SLX4IP: variants seen among roughly 807,000 people sequenced by gnomAD.
SLX4IP encodes protein SLX4IP.
SLX4IP carries 34 observed loss-of-function variants against 32.9 expected under a neutral mutation model. That is an observed-to-expected ratio of 1.03 (90% CI 0.79 to 1.38). SLX4IP has a LOEUF of 1.38. Among genes scored for constraint, SLX4IP ranks in the 40% most tolerant of loss-of-function variants. SLX4IP has a pLI of 0.00. For missense variants in SLX4IP, 444 were observed against 479.0 expected (o/e 0.93, Z 0.68); for synonymous variants, 172 against 171.7 (o/e 1.00, Z -0.01).
chr20:10,479,352 CTTTT>C (rs764474218), intron 2 of SLX4IP, among the ~76,000 whole-genome samples: 3 of 73,720 alleles, frequency 4.1e-5, no homozygotes, highest in East Asian at 7.7e-4. Context: ...TTCCATATTT[CTTTT>C]TTTTTTTTTT....
intron 2 of SLX4IP, among the ~76,000 whole-genome samples, chr20:10,476,596 T>A (rs1162300778): frequency 6.6e-6 from 1 of 152,216 alleles, no homozygotes; most frequent in African/African-American, 2.4e-5. Flanking sequence ...CTTCCCATAA[T>A]GACTGATTCT....
chr20:10,465,871 C>T lies in SLX4IP; in HGVS notation c.27+7640C>T, dbSNP rs187060744. On this transcript the variant is annotated intron_variant, in intron 2 of 7. Coordinates refer to ENST00000334534, the MANE Select transcript of SLX4IP (RefSeq NM_001009608.3). ...CTGCATTTCAAATGTTCAGTAGGCA[C>T]CACTGGCTAGTATCGGCTGTATTGG... 3.7e-3 allele frequency among the ~76,000 whole-genome samples: 560 copies of T among 152,314 alleles called. 7 individuals are homozygous for T. Among genetic ancestry groups the T allele is most frequent in the African/African-American group, 0.013 (520 of 41,554 alleles).
Position 10,472,769 on chromosome 20 carries a change from C to T in SLX4IP, c.27+14538C>T, listed in dbSNP as rs185605457. 4.6e-3 allele frequency among the ~76,000 whole-genome samples: 694 copies of T among 152,304 alleles called. 15 individuals carry two copies. In the South Asian group the frequency reaches 0.064, roughly 14 times the overall value. On this transcript the variant is annotated intron_variant, in intron 2 of 7. Transcript: ENST00000334534. ...AATTGTCCATCTTAGCACAGAGTCACGACCCAGAAGGTGTTAGCACCCATC... is the reference window on the plus strand; with the variant it reads ...AATTGTCCATCTTAGCACAGAGTCATGACCCAGAAGGTGTTAGCACCCATC...
At chr20:10,452,840 G>A (rs888249038) in intron 1 of SLX4IP, among the ~76,000 whole-genome samples, 1 of 151,220 alleles carries the variant, frequency 6.6e-6, no homozygotes, top group East Asian at 1.9e-4. Flanking sequence ...GACAAAGTGA[G>A]ACTCTGTCTC....
chr20:10,575,577 A>G (rs2066514993), intron 4 of SLX4IP, among the ~76,000 whole-genome samples: 1 of 144,142 alleles, frequency 6.9e-6, no homozygotes, highest in Non-Finnish European at 1.5e-5. Flanking sequence ...GCTGCTTCTC[A>G]TAGGAGTAAC....
chr20:10,457,563 T>C (rs1481673233), intron 1 of SLX4IP, among the ~76,000 whole-genome samples: 1 of 152,076 alleles, frequency 6.6e-6, no homozygotes. Flanking sequence ...ACATCCAACT[T>C]GATCGTGGTG....
At chr20:10,617,650 TTC>T (rs1164617249) in intron 6 of SLX4IP, among the ~76,000 whole-genome samples, 3 of 131,276 alleles carry the variant, frequency 2.3e-5, no homozygotes, top group African/African-American at 8.9e-5. Context: ...TTTTCTTTCT[TTC>T]TTTTTTTTTT....
intron 2 of SLX4IP, among the ~76,000 whole-genome samples, chr20:10,483,559 G>A (rs1437541847): frequency 6.6e-6 from 1 of 151,986 alleles, no homozygotes; most frequent in Non-Finnish European, 1.5e-5. Context: ...CATGAATGTT[G>A]CAAAAATGCA....
chr20:10,617,822 G>A (rs1236401139), intron 6 of SLX4IP, among the ~76,000 whole-genome samples: 1 of 151,686 alleles, frequency 6.6e-6, no homozygotes, highest in African/African-American at 2.4e-5. Flanking sequence ...CTAATTTTTT[G>A]TAGAGATGAG....
At chr20:10,570,117 A>G (rs1006575826) in intron 4 of SLX4IP, among the ~76,000 whole-genome samples, 1 of 152,222 alleles carries the variant, frequency 6.6e-6, no homozygotes, top group Non-Finnish European at 1.5e-5. Flanking sequence ...GTTCTGACCA[A>G]GGTCACCACT....
At position 10,464,160 on chromosome 20, in the gene SLX4IP, G is replaced by A. The variant is rs533350113; in HGVS notation, c.27+5929G>A. 2.0e-5 allele frequency among the ~76,000 whole-genome samples: 3 copies of A among 152,208 alleles called. 1 individual carries two copies. The South Asian group carries it at 6.2e-4, about 32-fold the overall frequency. ...GTTGGAGTGAGAGAGGGGGCTGGAT[G>A]AGGCAGAAGAGGCCATTTTGTTTTT... On this transcript the variant is annotated intron_variant, in intron 2 of 7. Transcript: ENST00000334534.
At chr20:10,539,311 T>A (rs2066078740) in intron 2 of SLX4IP, among the ~76,000 whole-genome samples, 1 of 152,204 alleles carries the variant, frequency 6.6e-6, no homozygotes, top group South Asian at 2.1e-4. Flanking sequence ...CAAATAGTTG[T>A]AGGATTGTCA....
At chr20:10,503,268 A>G (rs937072671) in intron 2 of SLX4IP, among the ~76,000 whole-genome samples, 3 of 152,200 alleles carry the variant, frequency 2.0e-5, no homozygotes, top group African/African-American at 7.2e-5. Flanking sequence ...AGAGGTCTAC[A>G]GGGTTAAACT....
intron 2 of SLX4IP, among the ~76,000 whole-genome samples, chr20:10,479,036 A>G (rs1444691579): frequency 6.6e-6 from 1 of 152,238 alleles, no homozygotes; most frequent in East Asian, 1.9e-4. Context: ...GAGCTTGCCA[A>G]TCCTCCCCCT....
intron 2 of SLX4IP, among the ~76,000 whole-genome samples, chr20:10,490,115 A>G (rs1260267589): frequency 6.6e-6 from 1 of 152,174 alleles, no homozygotes; most frequent in Non-Finnish European, 1.5e-5. Context: ...AAGGCCTTAA[A>G]AAAGAATCCC....
chr20:10,543,215 A>G (rs1282472964), intron 2 of SLX4IP, among the ~76,000 whole-genome samples: 1 of 152,246 alleles, frequency 6.6e-6, no homozygotes, highest in Non-Finnish European at 1.5e-5. Context: ...GATGTGTAAT[A>G]TGGGAGAAAC....
chr20:10,524,464 T>G (rs2065926139), intron 2 of SLX4IP, among the ~76,000 whole-genome samples: 2 of 152,144 alleles, frequency 1.3e-5, no homozygotes, highest in Admixed American at 1.3e-4. Context: ...AGGCCTGGGA[T>G]GAAGTCAGAA....
chr20:10,604,973 A>G (rs980486230), intron 6 of SLX4IP, among the ~76,000 whole-genome samples: 2 of 152,158 alleles, frequency 1.3e-5, no homozygotes, highest in African/African-American at 2.4e-5. Context: ...TTCCTTGGAA[A>G]TATGAAGAAC....
intron 6 of SLX4IP, among the ~76,000 whole-genome samples, chr20:10,619,704 C>A (rs1021698662): frequency 2.0e-5 from 3 of 152,142 alleles, no homozygotes; most frequent in Admixed American, 2.0e-4. Flanking sequence ...ACAGCACTTA[C>A]AGGGTGTGGC....
Sources: gnomAD v4.1 joint callset for allele counts (sites outside exome capture counted in the v4.1 genomes callset) on GRCh38, gnomAD v4.1.1 for gene constraint, MANE v1.5 for transcripts, NCBI Gene and HGNC (gene_info 2026-07-23, HGNC 2026-07-21) for gene names.